Variants in SHMT1 observed in about 807,000 individuals in gnomAD.
The protein encoded by SHMT1 is serine hydroxymethyltransferase 1.
In SHMT1, 45 loss-of-function variants were observed where a neutral mutation model predicts 49.0. The observed-to-expected ratio is 0.92, with a 90% CI of 0.72 to 1.18. The LOEUF (loss-of-function observed/expected upper bound fraction) is 1.18. Ranked by LOEUF, SHMT1 falls within the 50% of genes most tolerant of loss-of-function variation. The probability of loss-of-function intolerance (pLI) is 0.00; values close to 1 mark genes in which losing one functional copy is unlikely to be tolerated. For synonymous variants in SHMT1, 232 were observed against 246.6 expected (o/e 0.94, Z 0.55); for missense variants, 541 against 612.4 (o/e 0.88, Z 1.23).
chr17:18,333,290 T>A lies in SHMT1; in HGVS notation c.932-2A>T, dbSNP rs752205929. 1 of 1,613,132 alleles carries A rather than the reference T, an allele frequency of 6.2e-7. No individual in the cohort carries two copies. Among genetic ancestry groups the A allele is most frequent in the East Asian group, 2.2e-5 (1 of 44,884 alleles). ...CTTGCTTCAGTGCCACAGCAACCCC[T>A]GGACAAGAAGAGACAATGGGTCAGG... is the stretch of plus-strand genomic sequence containing the variant. On this transcript the variant is annotated splice_acceptor_variant, in intron 8 of 11. Transcript: ENST00000316694. LOFTEE classifies it high-confidence loss of function.
At position 18,328,686 on chromosome 17, in the gene SHMT1, TG is replaced by T. The variant is rs1301308503; in HGVS notation, c.*63del. 1.8e-5 allele frequency: 28 copies of T among 1,531,514 alleles called. No individual in the cohort carries two copies. The highest frequency in any genetic ancestry group is 2.5e-5 in the Non-Finnish European group (28 of 1,134,810). The allele number at this position is 1,531,514 out of a possible 1,614,324, so 94.9% of individuals were successfully genotyped here. A position where few individuals can be genotyped will look rare whatever the true frequency, so the allele number is the denominator to read the frequency against. On this transcript the variant is annotated 3_prime_UTR_variant, in exon 12 of 12. Coordinates refer to ENST00000316694, the MANE Select transcript of SHMT1 (RefSeq NM_004169.5). The stretch of plus-strand genomic sequence containing the variant: ...TGGAGCAGCTCATCCATCTCTCAGG[TG>T]GGGGTCCTCCGGCAGGCAGCTTCCT...
At chr17:18,336,938 C>A (rs1983859092) in intron 7 of SHMT1, among the ~76,000 whole-genome samples, 1 of 151,982 alleles carries the variant, frequency 6.6e-6, no homozygotes, top group Non-Finnish European at 1.5e-5. Context: ...AGAGTGAGAC[C>A]CTGTCCCCAA....
intron 9 of SHMT1, chr17:18,331,693 A>C (rs1480807599): frequency 6.6e-6 from 1 of 152,250 alleles, no homozygotes; most frequent in Non-Finnish European, 1.5e-5. Flanking sequence ...AGCATCACCC[A>C]AGGCCTGGTC....
Position 18,328,510 on chromosome 17 carries a change from G to C in SHMT1, c.*240C>G, listed in dbSNP as rs1268956553. 5.4e-6 allele frequency: 3 copies of C among 554,998 alleles called. No individual in the cohort carries two copies. Among genetic ancestry groups the C allele is most frequent in the Non-Finnish European group, 9.7e-6 (3 of 309,908 alleles). The allele number at this position is 554,998 out of a possible 1,614,324, so 34.4% of individuals were successfully genotyped here. Reference sequence around the variant, plus strand: ...TATTTTCCTAGAATTATGTCCAGCTGTGAGAAAGCCAGGTTCAAATTTAAA... The same window carrying C: ...TATTTTCCTAGAATTATGTCCAGCTCTGAGAAAGCCAGGTTCAAATTTAAA... On this transcript the variant is annotated 3_prime_UTR_variant, in exon 12 of 12. Coordinates refer to ENST00000316694, the MANE Select transcript of SHMT1 (RefSeq NM_004169.5).
At chr17:18,354,576 A>G (rs928363027) in intron 2 of SHMT1, among the ~76,000 whole-genome samples, 1 of 152,202 alleles carries the variant, frequency 6.6e-6, no homozygotes, top group Admixed American at 6.5e-5. Flanking sequence ...AGCCTGGGAA[A>G]CAAGAGCGAG....
chr17:18,333,464 T>A, intron 8 of SHMT1, 176 bp from the exon 9 acceptor site: 1 of 286,740 alleles, frequency 3.5e-6, no homozygotes, highest in Non-Finnish European at 5.9e-6. Context: ...TTTTATTATT[T>A]ATTATTTTTA....
intron 10 of SHMT1, 36 bp downstream of exon 10, chr17:18,330,519 G>C (rs1319187564): frequency 1.5e-6 from 2 of 1,375,406 alleles, no homozygotes; most frequent in Non-Finnish European, 2.1e-6. Flanking sequence ...ATGCAGATGG[G>C]AGAGGAGTGA....
At chr17:18,360,803 TCTGGG>T (rs1354252907) in intron 1 of SHMT1, among the ~76,000 whole-genome samples, 4 of 151,854 alleles carry the variant, frequency 2.6e-5, no homozygotes, top group Non-Finnish European at 5.9e-5. Flanking sequence ...ACACCTGAAG[TCTGGG>T]GAGTCACAGG....
intron 5 of SHMT1, among the ~76,000 whole-genome samples, chr17:18,344,688 C>G (rs1984900938): frequency 6.8e-6 from 1 of 147,372 alleles, no homozygotes. Flanking sequence ...GACAAGAGAA[C>G]AACTCCTAGA....
At chr17:18,342,790 G>A (rs1414103518) in intron 5 of SHMT1, among the ~76,000 whole-genome samples, 1 of 151,944 alleles carries the variant, frequency 6.6e-6, no homozygotes, top group Non-Finnish European at 1.5e-5. Context: ...TCACAAATTA[G>A]CCAGGCGTGG....
chr17:18,356,422 G>A (rs1460671206), intron 1 of SHMT1, among the ~76,000 whole-genome samples: 3 of 152,048 alleles, frequency 2.0e-5, no homozygotes, highest in Admixed American at 6.6e-5. Flanking sequence ...TGCAACCTCC[G>A]CCTCCTGGGT....
chr17:18,349,315 G>T (rs1486847981), intron 3 of SHMT1, among the ~76,000 whole-genome samples: 2 of 152,040 alleles, frequency 1.3e-5, no homozygotes, highest in African/African-American at 4.8e-5. Context: ...AGCTGCTCGG[G>T]AGGCTGAGGC....
In SHMT1 at chr17:18,332,578, C is replaced by T. The variant is rs186198221; in HGVS notation, c.1054+588G>A. 68 of 177,324 alleles carry T rather than the reference C, an allele frequency of 3.8e-4. No homozygotes were observed. In the East Asian group the frequency reaches 5.2e-3, roughly 14 times the overall value. The allele number at this position is 177,324 out of a possible 1,614,324, so 11.0% of individuals were successfully genotyped here. On this transcript the variant is annotated intron_variant, in intron 9 of 11. Coordinates refer to ENST00000316694, the MANE Select transcript of SHMT1 (RefSeq NM_004169.5). ...GAGTATGCTGCCTGCCAAAAAAATG[C>T]GTTCTCCGTGGAAAGCTGCAGTGAC...
At position 18,348,419 on chromosome 17, in the gene SHMT1, A is replaced by G. The variant is rs1201798232; in HGVS notation, c.264T>C (p.Phe88=). Residue 88 remains phenylalanine, a synonymous_variant, in exon 4 of 12, where the codon TTT becomes TTC. Transcript: ENST00000316694. The part of the protein sequence containing the change: ...PGQRYYGGTE[F]IDELETLCQK... The stretch of plus-strand genomic sequence containing the variant: ...GACAGAGGGTCTCCAGTTCATCAAT[A>G]AACTCAGTCCCGCCATAGTATCTGT... The G allele has an allele frequency of 2.2e-5, 35 of 1,613,556 alleles. No homozygotes were observed. Among genetic ancestry groups the G allele is most frequent in the Non-Finnish European group, 3.0e-5 (35 of 1,179,484 alleles).
At chr17:18,357,653 A>C (rs767453366) in intron 1 of SHMT1, among the ~76,000 whole-genome samples, 2 of 152,276 alleles carry the variant, frequency 1.3e-5, no homozygotes, top group Non-Finnish European at 2.9e-5. Flanking sequence ...TAAGGACCTC[A>C]TTTTAATCCT....
intron 2 of SHMT1, 138 bp downstream of exon 2, chr17:18,355,748 A>G: frequency 2.9e-6 from 2 of 689,606 alleles, no homozygotes; most frequent in Non-Finnish European, 5.3e-6. Flanking sequence ...ATTTGTAGCC[A>G]TTTTGTCTGC....
At chr17:18,349,666 C>G (rs1190806675) in intron 3 of SHMT1, among the ~76,000 whole-genome samples, 2 of 152,090 alleles carry the variant, frequency 1.3e-5, no homozygotes, top group Non-Finnish European at 2.9e-5. Context: ...TTGCAGTGAG[C>G]TTTGATTGTA....
In SHMT1 at chr17:18,348,200, G is replaced by A. The variant is rs765774231; in HGVS notation, c.358+125C>T. On this transcript the variant is annotated intron_variant, in intron 4 of 11. Transcript: ENST00000316694. ...CTCCCAAAGTGCTGGGATTACAGGC[G>A]TGAGCCACTGGGCCCGGCCTATGGC... 3.3e-4 allele frequency: 242 copies of A among 741,090 alleles called. 3 individuals carry two copies. The highest frequency in any genetic ancestry group is 2.5e-3 in the South Asian group (168 of 67,762). 45.9% of individuals were successfully genotyped at this position (741,090 alleles called of 1,614,324 possible).
chr17:18,354,544 C>T (rs1277323688), intron 2 of SHMT1, among the ~76,000 whole-genome samples: 1 of 152,006 alleles, frequency 6.6e-6, no homozygotes, highest in Non-Finnish European at 1.5e-5. Flanking sequence ...TTCAGTGAGC[C>T]GAGATCGCGC....
Sources: gnomAD v4.1 joint callset for allele counts (sites outside exome capture counted in the v4.1 genomes callset) on GRCh38, gnomAD v4.1.1 for gene constraint, MANE v1.5 for transcripts, NCBI Gene and HGNC (gene_info 2026-07-23, HGNC 2026-07-21) for gene names.